Variants in ITGB5 observed in about 807,000 individuals in gnomAD.
ITGB5 encodes integrin beta-5.
ITGB5 carries 38 observed loss-of-function variants against 84.8 expected under a neutral mutation model. The observed-to-expected ratio is 0.45, with a 90% CI of 0.35 to 0.59. The LOEUF (loss-of-function observed/expected upper bound fraction) is 0.59, where lower values mean the gene tolerates loss of function less well. Ranked by LOEUF, ITGB5 falls within the 20% of genes least tolerant of loss-of-function variation. The pLI is 0.01. For synonymous variants in ITGB5, 393 were observed against 414.4 expected (o/e 0.95, Z 0.63); for missense variants, 905 against 1,034.5 (o/e 0.87, Z 1.72).
intron 1 of ITGB5, among the ~76,000 whole-genome samples, chr3:124,898,073 C>A (rs1935142997): frequency 2.6e-5 from 4 of 152,008 alleles, no homozygotes; most frequent in Admixed American, 6.6e-5. Context: ...GAAAACAAAA[C>A]AGGAAGGACC....
intron 3 of ITGB5, 146 bp downstream of exon 3, chr3:124,859,096 T>C (rs989500982): frequency 4.3e-6 from 3 of 693,056 alleles, no homozygotes; most frequent in Non-Finnish European, 7.5e-6. Context: ...CTCTGCTTCC[T>C]GAGGTCTGAG....
intron 5 of ITGB5, among the ~76,000 whole-genome samples, chr3:124,821,878 C>T (rs1358523412): frequency 7.5e-6 from 1 of 133,848 alleles, no homozygotes; most frequent in Non-Finnish European, 1.6e-5. Flanking sequence ...AACAACATCC[C>T]CTGGTTGGCT....
chr3:124,841,391 C>T lies in ITGB5; in HGVS notation c.772G>A (p.Val258Ile), dbSNP rs762021639. ...GGFDAVLQAAVCKEKIGWRKD... is the reference protein window; with the variant it reads ...GGFDAVLQAAICKEKIGWRKD... ...CCAGAAAGGAAAGTTACCTTGCAGA[C>T]GGCTGCCTGGAGTACTGCATCAAAG... is the stretch of plus-strand genomic sequence containing the variant. Residue 258 changes from valine (V) to isoleucine (I), a missense_variant, in exon 5 of 15, where the codon GTC (valine) becomes ATC (isoleucine). Val to Ile is a conservative substitution (Grantham distance 29). Around this residue, in one of 3 missense-constraint regions of ITGB5, gnomAD observed 656 missense variants for 734.7 expected, o/e 0.89. Transcript: ENST00000296181. 24 of 1,613,696 alleles carry T rather than the reference C, an allele frequency of 1.5e-5. No individual in the cohort carries two copies. Among genetic ancestry groups the T allele is most frequent in the East Asian group, 8.9e-5 (4 of 44,874 alleles).
At chr3:124,789,229 T>C in intron 10 of ITGB5, among the ~76,000 whole-genome samples, 1 of 152,254 alleles carries the variant, frequency 6.6e-6, no homozygotes. Context: ...ATAAATATGG[T>C]GAGAAACACT....
At chr3:124,849,428 T>G (rs1353977775) in intron 3 of ITGB5, among the ~76,000 whole-genome samples, 1 of 152,186 alleles carries the variant, frequency 6.6e-6, no homozygotes, top group Non-Finnish European at 1.5e-5. Context: ...TATGCATGCT[T>G]ATGCCACATC....
chr3:124,796,458 G>C lies in ITGB5; in HGVS notation c.1623C>G (p.Gly541=). The change falls in exon 10 of 15, where the codon GGC becomes GGG. Residue 541 remains glycine, a synonymous_variant. Transcript: ENST00000296181. The part of the protein sequence containing the change: ...NQCSCFESEF[G]KIYGPFCECD... ...ACTCACAGAAAGGCCCATAGATCTTGCCAAACTCGCTCTCGAAGCAGGAGC... is the reference window on the plus strand; with the variant it reads ...ACTCACAGAAAGGCCCATAGATCTTCCCAAACTCGCTCTCGAAGCAGGAGC... The C allele has an allele frequency of 6.2e-7, 1 of 1,614,154 alleles. No homozygotes were observed. Among genetic ancestry groups the C allele is most frequent in the East Asian group, 2.2e-5 (1 of 44,882 alleles).
chr3:124,856,441 G>T (rs1426369436), intron 3 of ITGB5, among the ~76,000 whole-genome samples: 1 of 152,154 alleles, frequency 6.6e-6, no homozygotes. Flanking sequence ...TCTAGATGAG[G>T]AGTTCAGAAA....
chr3:124,887,397 T>A, upstream of ITGB5: 1 of 159,488 alleles, frequency 6.3e-6, no homozygotes, highest in Non-Finnish European at 1.4e-5. Context: ...CCTTCCTCCC[T>A]CCGGCCCGCC....
intron 5 of ITGB5, among the ~76,000 whole-genome samples, chr3:124,825,629 G>GA (rs1183836886): frequency 6.6e-6 from 1 of 152,034 alleles, no homozygotes; most frequent in Non-Finnish European, 1.5e-5. Context: ...TCCAGAAAAA[G>GA]AAAAAAATAC....
intron 3 of ITGB5, among the ~76,000 whole-genome samples, chr3:124,852,112 C>G (rs3772852): frequency 0.41 from 62,649 of 151,940 alleles, 13,217 homozygotes; most frequent in East Asian, 0.67. Context: ...ACACCCGAGA[C>G]TTTAAGCCAA....
chr3:124,881,398 C>A (rs768825425), intron 1 of ITGB5, among the ~76,000 whole-genome samples: 33 of 152,098 alleles, frequency 2.2e-4, no homozygotes, highest in Non-Finnish European at 4.4e-4. Context: ...AAGACCAGGG[C>A]TATTAACCAG....
rs1382865509 is a variant in ITGB5, at chr3:124,873,627, G to A, written c.71-96C>T. On this transcript the variant is annotated intron_variant, in intron 1 of 14. Transcript: ENST00000296181. ...GGGGAATTACATCCTTCTTTAACAG[G>A]AGGCCTCTCTGAGTCTAAAGGGTGC... 7.3e-5 allele frequency: 68 copies of A among 935,544 alleles called. 1 individual carries two copies. Among genetic ancestry groups the A allele is most frequent in the Non-Finnish European group, 5.8e-5 (33 of 565,286 alleles). The allele number at this position is 935,544 out of a possible 1,614,324, so 58.0% of individuals were successfully genotyped here. A position where few individuals can be genotyped will look rare whatever the true frequency, so the allele number is the denominator to read the frequency against.
intron 1 of ITGB5, among the ~76,000 whole-genome samples, chr3:124,884,087 T>C (rs1014103511): frequency 5.9e-5 from 9 of 152,096 alleles, no homozygotes; most frequent in African/African-American, 1.9e-4. Context: ...CTGAGGGTCA[T>C]CTCTTTCTTT....
At chr3:124,887,753 A>T (rs1266825693), upstream of ITGB5, 1 of 443,972 alleles carries the variant, frequency 2.3e-6, no homozygotes, top group Non-Finnish European at 4.6e-6. Flanking sequence ...GAGAGCAGGT[A>T]CGGGGGTCGT....
upstream of ITGB5, among the ~76,000 whole-genome samples, chr3:124,889,236 GT>G (rs1469669126): frequency 6.6e-6 from 1 of 152,146 alleles, no homozygotes; most frequent in Non-Finnish European, 1.5e-5. Flanking sequence ...CTGGCCTATT[GT>G]TTATGTAAAA....
At chr3:124,894,228 G>C (rs955352026) in intron 1 of ITGB5, among the ~76,000 whole-genome samples, 5 of 139,414 alleles carry the variant, frequency 3.6e-5, no homozygotes, top group African/African-American at 1.3e-4. Flanking sequence ...CGCCTCCCAG[G>C]TTCATGCCAT....
chr3:124,840,195 A>G (rs563231560), intron 5 of ITGB5, among the ~76,000 whole-genome samples: 1 of 152,372 alleles, frequency 6.6e-6, no homozygotes, highest in South Asian at 2.1e-4. Context: ...TCACTTAATA[A>G]GTGAATAGCA....
At chr3:124,868,022 G>A (rs573333821) in intron 2 of ITGB5, among the ~76,000 whole-genome samples, 1 of 152,218 alleles carries the variant, frequency 6.6e-6, no homozygotes, top group African/African-American at 2.4e-5. Flanking sequence ...TGGTGAGTGA[G>A]TTCTCCTGAG....
At chr3:124,871,528 A>G (rs6777866) in intron 2 of ITGB5, among the ~76,000 whole-genome samples, 1 of 151,694 alleles carries the variant, frequency 6.6e-6, no homozygotes, top group Non-Finnish European at 1.5e-5. Flanking sequence ...ACAAGGTATC[A>G]GTCAAGGAAA....
Sources: gnomAD v4.1 joint callset for allele counts (sites outside exome capture counted in the v4.1 genomes callset) on GRCh38, gnomAD v4.1.1 for gene constraint, gnomAD v4.1.1 regional missense constraint, MANE v1.5 for transcripts, NCBI Gene and HGNC (gene_info 2026-07-23, HGNC 2026-07-21) for gene names.